The following REEP3 variants were observed in gnomAD, a reference collection of about 807,000 sequenced individuals.
REEP3 encodes the protein receptor expression-enhancing protein 3.
REEP3 carries 20 observed loss-of-function variants against 41.3 expected under a neutral mutation model. The observed-to-expected ratio is 0.48, with a 90% CI of 0.34 to 0.70. The LOEUF is 0.70. REEP3 is among the 30% of genes least tolerant of loss of function. The probability of loss-of-function intolerance (pLI) is 0.01; values close to 1 mark genes in which losing one functional copy is unlikely to be tolerated. For synonymous variants in REEP3, 104 were observed against 101.8 expected, an observed-to-expected ratio of 1.02 and a Z score of -0.13; for missense variants, 271 against 308.8, an observed-to-expected ratio of 0.88 and a Z score of 0.92.
intron 1 of REEP3, among the ~76,000 whole-genome samples, chr10:63,547,461 A>G (rs878947036): frequency 6.6e-6 from 1 of 152,182 alleles, no homozygotes; most frequent in African/African-American, 2.4e-5. Context: ...CTTCACACCA[A>G]AAAAGGGGTG....
At chr10:63,594,903 T>C (rs988528702) in intron 3 of REEP3, 49 bp downstream of exon 3, 3 of 1,146,690 alleles carry the variant, frequency 2.6e-6, no homozygotes, top group African/African-American at 3.0e-5. Flanking sequence ...CATAATCAGG[T>C]GTCCTAAGTT....
intron 6 of REEP3, 26 bp downstream of exon 6, chr10:63,610,360 G>T: frequency 6.5e-7 from 1 of 1,546,312 alleles, no homozygotes. Context: ...TTAATATACG[G>T]TTCTTTTACA....
chr10:63,523,848 C>T (rs1377066009), intron 1 of REEP3, among the ~76,000 whole-genome samples: 1 of 152,152 alleles, frequency 6.6e-6, no homozygotes, highest in Non-Finnish European at 1.5e-5. Flanking sequence ...TGTTATAAGG[C>T]AGCAACAGCT....
At chr10:63,591,127 G>GTTTTT (rs5785582) in intron 2 of REEP3, among the ~76,000 whole-genome samples, 1 of 135,950 alleles carries the variant, frequency 7.4e-6, no homozygotes. Context: ...TTTTGTTTTT[G>GTTTTT]TTTTTTTTTT....
At chr10:63,538,435 A>G (rs1434769548) in intron 1 of REEP3, among the ~76,000 whole-genome samples, 1 of 152,164 alleles carries the variant, frequency 6.6e-6, no homozygotes, top group Non-Finnish European at 1.5e-5. Flanking sequence ...TGTCATTTAT[A>G]TAAGACGAGG....
intron 4 of REEP3, 148 bp downstream of exon 4, chr10:63,598,292 C>A: frequency 2.1e-6 from 1 of 475,766 alleles, no homozygotes; most frequent in South Asian, 2.8e-5. Context: ...CCAGCCTGGC[C>A]AACATGGTGA....
intron 3 of REEP3, among the ~76,000 whole-genome samples, chr10:63,595,090 C>T (rs1470280767): frequency 2.0e-5 from 3 of 152,192 alleles, no homozygotes; most frequent in Non-Finnish European, 4.4e-5. Flanking sequence ...CACACACCTT[C>T]CCCCAGTATC....
chr10:63,542,523 C>T (rs1403230106), intron 1 of REEP3, among the ~76,000 whole-genome samples: 1 of 152,146 alleles, frequency 6.6e-6, no homozygotes, highest in African/African-American at 2.4e-5. Context: ...ATACAAAGAA[C>T]TATATTATCT....
intron 1 of REEP3, among the ~76,000 whole-genome samples, chr10:63,564,633 AG>A (rs1284722745): frequency 6.6e-6 from 1 of 151,772 alleles, no homozygotes; most frequent in Admixed American, 6.6e-5. Flanking sequence ...AAAAAAAAAA[AG>A]AAATGCGCAT....
intron 1 of REEP3, among the ~76,000 whole-genome samples, chr10:63,537,418 A>G (rs1390303742): frequency 6.6e-6 from 1 of 152,210 alleles, no homozygotes; most frequent in African/African-American, 2.4e-5. Flanking sequence ...TAGCTCTGAG[A>G]GTCTGGGAGA....
intron 2 of REEP3, 113 bp from the exon 3 acceptor site, chr10:63,594,665 C>A: frequency 1.4e-6 from 1 of 714,332 alleles, no homozygotes; most frequent in Non-Finnish European, 2.4e-6. Flanking sequence ...TCCAGAAATA[C>A]ATACATAATA....
intron 6 of REEP3, among the ~76,000 whole-genome samples, chr10:63,616,197 CTT>C (rs1956311225): frequency 6.6e-6 from 1 of 152,190 alleles, no homozygotes; most frequent in Non-Finnish European, 1.5e-5. Flanking sequence ...AATCATGACT[CTT>C]TGAGGATTTA....
At chr10:63,608,623 T>G (rs1956250699) in intron 5 of REEP3, among the ~76,000 whole-genome samples, 1 of 152,232 alleles carries the variant, frequency 6.6e-6, no homozygotes, top group African/African-American at 2.4e-5. Flanking sequence ...CTTAGAAGAA[T>G]ATTTTTAATC....
At chr10:63,539,406 T>C (rs754848303) in intron 1 of REEP3, among the ~76,000 whole-genome samples, 11 of 152,350 alleles carry the variant, frequency 7.2e-5, no homozygotes, top group Non-Finnish European at 1.6e-4. Context: ...AGCAGTTTTA[T>C]AGCTTTACCA....
rs541276870 is a variant in REEP3, at chr10:63,610,343, G to A, written c.565+9G>A. 1.5e-5 allele frequency: 23 copies of A among 1,551,664 alleles called. No homozygotes were observed. The East Asian group carries it at 5.6e-4, about 38-fold the overall frequency. On this transcript the variant is annotated intron_variant, in intron 6 of 7. Coordinates refer to ENST00000373758, the MANE Select transcript of REEP3 (RefSeq NM_001001330.3). ...CCCCAGTGAATCAGCAGGTGTGCTT[G>A]TGTGTTTTAATATACGGTTCTTTTA...
chr10:63,612,822 G>C (rs1271492154), intron 6 of REEP3, among the ~76,000 whole-genome samples: 1 of 151,776 alleles, frequency 6.6e-6, no homozygotes, highest in Non-Finnish European at 1.5e-5. Flanking sequence ...TATTGATTTT[G>C]ATTGGAGTCT....
chr10:63,560,762 G>A (rs1457032779), intron 1 of REEP3, among the ~76,000 whole-genome samples: 1 of 152,050 alleles, frequency 6.6e-6, no homozygotes, highest in Non-Finnish European at 1.5e-5. Context: ...TCTTGTAGGT[G>A]GCCCTGTAAA....
At chr10:63,534,361 C>T (rs1184178079) in intron 1 of REEP3, among the ~76,000 whole-genome samples, 1 of 152,090 alleles carries the variant, frequency 6.6e-6, no homozygotes, top group Non-Finnish European at 1.5e-5. Context: ...AGCGATCTTC[C>T]TGCTTCCACC....
intron 1 of REEP3, among the ~76,000 whole-genome samples, chr10:63,545,219 C>G (rs1955565857): frequency 6.6e-6 from 1 of 152,122 alleles, no homozygotes; most frequent in Non-Finnish European, 1.5e-5. Flanking sequence ...ATATAACATA[C>G]AGTGAACAGA....
Sources: allele counts gnomAD v4.1 joint callset (sites outside exome capture counted in the v4.1 genomes callset), GRCh38; gene constraint gnomAD v4.1.1; transcripts MANE v1.5; gene names NCBI Gene and HGNC (gene_info 2026-07-23, HGNC 2026-07-21).